Variants in SLC12A6 observed in about 807,000 individuals in gnomAD.
The protein encoded by SLC12A6 is solute carrier family 12 member 6.
Under a neutral mutation model 135.3 loss-of-function variants are expected in SLC12A6, and 66 were observed. The observed-to-expected ratio is 0.49, with a 90% CI of 0.40 to 0.60. The LOEUF is 0.60. Ranked by LOEUF, SLC12A6 falls within the 20% of genes least tolerant of loss-of-function variation. The pLI, the probability that SLC12A6 is intolerant of heterozygous loss-of-function variation, is 0.00. For synonymous variants in SLC12A6, 513 were observed against 508.8 expected (o/e 1.01, Z -0.11); for missense variants, 1,058 against 1,452.3 (o/e 0.73, Z 4.41).
intron 2 of SLC12A6, among the ~76,000 whole-genome samples, chr15:34,309,653 T>C (rs939013623): frequency 9.9e-5 from 15 of 151,842 alleles, no homozygotes; most frequent in Non-Finnish European, 2.2e-4. Flanking sequence ...AGGAATCAAA[T>C]TTGTATTCTT....
At position 34,233,843 on chromosome 15, in the gene SLC12A6, T is replaced by C. The variant is rs969900949; in HGVS notation, c.*38A>G. On this transcript the variant is annotated 3_prime_UTR_variant, in exon 26 of 26. Transcript: ENST00000354181. Reference sequence around the variant, plus strand: ...GCACTTCCATGGAGGACGTAGGCCTTTTAAGAAAACAGGTCAAGCACGGTC... The same window carrying C: ...GCACTTCCATGGAGGACGTAGGCCTCTTAAGAAAACAGGTCAAGCACGGTC... 8.7e-7 allele frequency: 1 copy of C among 1,152,584 alleles called. No homozygotes were observed. The highest frequency in any genetic ancestry group is 1.5e-5 in the African/African-American group (1 of 66,250). 71.4% of individuals were successfully genotyped at this position (1,152,584 alleles called of 1,614,324 possible). A position where few individuals can be genotyped will look rare whatever the true frequency, so the allele number is the denominator to read the frequency against.
chr15:34,311,577 A>G lies in SLC12A6; in HGVS notation c.271+24833T>C, dbSNP rs1057431134. On this transcript the variant is annotated intron_variant, in intron 2 of 25. Coordinates refer to ENST00000354181, the MANE Select transcript of SLC12A6 (RefSeq NM_001365088.1). ...GATTTGGCATCATGGTATAGTGGAGAGCACAAAGAATTTATAAGTTGAACA... is the reference window on the plus strand; with the variant it reads ...GATTTGGCATCATGGTATAGTGGAGGGCACAAAGAATTTATAAGTTGAACA... 2.6e-5 allele frequency among the ~76,000 whole-genome samples: 4 copies of G among 152,158 alleles called. No individual in the cohort carries two copies. In the East Asian group the frequency reaches 7.7e-4, roughly 29 times the overall value.
chr15:34,249,513 G>T lies in SLC12A6; in HGVS notation c.1649+785C>A, dbSNP rs137997474. ...GCCCAGGAGGTTGAGGCTGTAGGGA[G>T]CTGTCACTGCACCACTGCACTGTAG... is the stretch of plus-strand genomic sequence containing the variant. On this transcript the variant is annotated intron_variant, in intron 13 of 25. Coordinates refer to ENST00000354181, the MANE Select transcript of SLC12A6 (RefSeq NM_001365088.1). Among the ~76,000 whole-genome samples, 818 of 152,316 alleles carry T rather than the reference G, an allele frequency of 5.4e-3. 12 individuals carry two copies. Among genetic ancestry groups the T allele is most frequent in the African/African-American group, 0.018 (763 of 41,566 alleles).
chr15:34,284,282 T>TTC (rs1566838476), intron 2 of SLC12A6, among the ~76,000 whole-genome samples: 3 of 132,614 alleles, frequency 2.3e-5, no homozygotes, highest in Admixed American at 7.4e-5. Context: ...CTTTTCTTTT[T>TTC]TTTTTTTTTT....
chr15:34,254,609 G>C lies in SLC12A6; in HGVS notation c.877-20C>G, dbSNP rs1005140981. On this transcript the variant is annotated intron_variant, in intron 8 of 25. Transcript: ENST00000354181. ...ATAGACCTGTTAGGTAAAAATAAAG[G>C]AGAAAATTAGGTTATTTCAAAATAA... 6.4e-7 allele frequency: 1 copy of C among 1,574,618 alleles called. No homozygotes were observed.
chr15:34,293,504 ATGTTGGCT>A (rs1895682134), intron 2 of SLC12A6, among the ~76,000 whole-genome samples: 1 of 152,216 alleles, frequency 6.6e-6, no homozygotes. Context: ...GGGTTTTGCC[ATGTTGGCT>A]AGGCTGGTCT....
At chr15:34,263,202 A>G (rs1297730245) in intron 3 of SLC12A6, among the ~76,000 whole-genome samples, 2 of 152,168 alleles carry the variant, frequency 1.3e-5, no homozygotes, top group Non-Finnish European at 2.9e-5. Flanking sequence ...GGAGACTGCT[A>G]GAGTCCAGGA....
Position 34,252,395 on chromosome 15 carries a change from A to G in SLC12A6, c.1119-11T>C. ...CCCAGCATGCAGACCCTAAGTGAAA[A>G]GAAATAGGGAGAAAGATCAAGTAAG... On this transcript the variant is annotated splice_polypyrimidine_tract_variant and intron_variant, in intron 9 of 25. Transcript: ENST00000354181. 6.8e-7 allele frequency: 1 copy of G among 1,469,118 alleles called. No individual in the cohort carries two copies. The highest frequency in any genetic ancestry group is 2.3e-5 in the East Asian group (1 of 44,224). 91.0% of individuals were successfully genotyped at this position (1,469,118 alleles called of 1,614,324 possible). A position where few individuals can be genotyped will look rare whatever the true frequency, so the allele number is the denominator to read the frequency against.
intron 16 of SLC12A6, 112 bp downstream of exon 16, chr15:34,243,862 A>C (rs1891811346): frequency 1.3e-6 from 1 of 758,916 alleles, no homozygotes; most frequent in Non-Finnish European, 2.4e-6. Context: ...AACAGTATGA[A>C]ATGGCTGACC....
At chr15:34,334,894 T>A (rs1013696481) in intron 2 of SLC12A6, among the ~76,000 whole-genome samples, 3 of 152,230 alleles carry the variant, frequency 2.0e-5, no homozygotes, top group Non-Finnish European at 2.9e-5. Flanking sequence ...AAGGAACCTG[T>A]TCTGCTGGTC....
intron 2 of SLC12A6, among the ~76,000 whole-genome samples, chr15:34,285,000 T>C (rs1894949990): frequency 6.6e-6 from 1 of 152,136 alleles, no homozygotes; most frequent in Non-Finnish European, 1.5e-5. Flanking sequence ...AATAAGCAAG[T>C]TGAAAGTGAC....
chr15:34,253,258 T>C (rs1252146228), intron 9 of SLC12A6, among the ~76,000 whole-genome samples: 1 of 152,220 alleles, frequency 6.6e-6, no homozygotes, highest in Non-Finnish European at 1.5e-5. Context: ...TTATTCTAGA[T>C]TTTTTGTCTT....
chr15:34,269,720 C>CT (rs897256076), intron 3 of SLC12A6, among the ~76,000 whole-genome samples: 3,574 of 145,846 alleles, frequency 0.025, 56 homozygotes, highest in African/African-American at 0.044. Context: ...TTAACATGCT[C>CT]TTTTTTTTTT....
intron 2 of SLC12A6, among the ~76,000 whole-genome samples, chr15:34,312,377 T>A (rs1458585069): frequency 6.6e-6 from 1 of 152,214 alleles, no homozygotes; most frequent in Non-Finnish European, 1.5e-5. Context: ...CATGTCTTAC[T>A]CACTGAGTTG....
At chr15:34,282,416 T>C (rs1234735999) in intron 2 of SLC12A6, among the ~76,000 whole-genome samples, 3 of 152,202 alleles carry the variant, frequency 2.0e-5, no homozygotes, top group Non-Finnish European at 2.9e-5. Context: ...ATATACACTT[T>C]GGGAAACGTT....
chr15:34,247,523 A>G (rs1057331959), intron 13 of SLC12A6, among the ~76,000 whole-genome samples: 1 of 152,002 alleles, frequency 6.6e-6, no homozygotes, highest in Non-Finnish European at 1.5e-5. Flanking sequence ...TCTAGGGGAA[A>G]AAAAAAAAGT....
chr15:34,320,558 C>T (rs17236840), intron 2 of SLC12A6, among the ~76,000 whole-genome samples: 8,627 of 150,924 alleles, frequency 0.057, 282 homozygotes, highest in Middle Eastern at 0.098. Context: ...ACGTTGATAA[C>T]TGATTTATGC....
intron 2 of SLC12A6, among the ~76,000 whole-genome samples, chr15:34,324,592 CTGTTT>C (rs545123318): frequency 8.7e-4 from 131 of 151,246 alleles, no homozygotes; most frequent in Non-Finnish European, 1.8e-4. Flanking sequence ...AACCACTGTT[CTGTTT>C]TATTAAACCC....
chr15:34,334,774 A>G (rs1566879749), intron 2 of SLC12A6, among the ~76,000 whole-genome samples: 1 of 152,186 alleles, frequency 6.6e-6, no homozygotes, highest in Non-Finnish European at 1.5e-5. Flanking sequence ...TCACTTAGAT[A>G]TGTCCCCATT....
Sources: allele counts gnomAD v4.1 joint callset (sites outside exome capture counted in the v4.1 genomes callset), GRCh38; gene constraint gnomAD v4.1.1; transcripts MANE v1.5; gene names NCBI Gene and HGNC (gene_info 2026-07-23, HGNC 2026-07-21).